The following ANKS1B variants were observed in gnomAD, a reference collection of about 807,000 sequenced individuals.
ANKS1B encodes the protein ankyrin repeat and sterile alpha motif domain-containing protein 1B.
A neutral mutation model predicts 148.3 loss-of-function variants in ANKS1B; 36 were observed. The ratio of observed to expected loss-of-function variants is 0.24; its 90% CI spans 0.19 to 0.32. The LOEUF (loss-of-function observed/expected upper bound fraction) is 0.32. Among genes scored for constraint, ANKS1B ranks in the 10% least tolerant of loss-of-function variants. The pLI is 1.00. For missense variants in ANKS1B, 1,157 were observed against 1,542.6 expected, an observed-to-expected ratio of 0.75 and a Z score of 4.19; for synonymous variants, 542 against 560.8, an observed-to-expected ratio of 0.97 and a Z score of 0.47.
At chr12:98,964,496 C>G (rs56935245) in intron 17 of ANKS1B, among the ~76,000 whole-genome samples, 49,007 of 152,072 alleles carry the variant, frequency 0.32, 8,427 homozygotes, top group Middle Eastern at 0.41. Context: ...TGTCTTATCT[C>G]TGTACTCCCA....
At chr12:99,655,679 AAC>A (rs1159283605) in intron 8 of ANKS1B, among the ~76,000 whole-genome samples, 1 of 152,184 alleles carries the variant, frequency 6.6e-6, no homozygotes, top group African/African-American at 2.4e-5. Flanking sequence ...TAACAGGAGT[AAC>A]AGTTTTAAAA....
intron 8 of ANKS1B, among the ~76,000 whole-genome samples, chr12:99,719,946 G>A (rs562222766): frequency 3.4e-4 from 51 of 152,080 alleles, no homozygotes; most frequent in African/African-American, 1.1e-3. Flanking sequence ...CTACTCCCCC[G>A]CTGAAACTTC....
At chr12:99,901,878 T>G (rs1603448238) in intron 1 of ANKS1B, among the ~76,000 whole-genome samples, 1 of 152,244 alleles carries the variant, frequency 6.6e-6, no homozygotes, top group African/African-American at 2.4e-5. Flanking sequence ...ATCCATTTAT[T>G]TAACTGCTCT....
chr12:99,347,652 A>G (rs1466185336), intron 12 of ANKS1B, among the ~76,000 whole-genome samples: 2 of 152,052 alleles, frequency 1.3e-5, no homozygotes, highest in Admixed American at 6.6e-5. Flanking sequence ...GATAAAAAAT[A>G]CTGTCAGTAA....
chr12:99,479,121 T>C (rs988300065), intron 10 of ANKS1B, among the ~76,000 whole-genome samples: 4 of 152,088 alleles, frequency 2.6e-5, no homozygotes, highest in African/African-American at 9.6e-5. Flanking sequence ...ACACAATCTA[T>C]ATTTAGACTT....
chr12:99,618,913 G>A (rs1604173), intron 9 of ANKS1B, among the ~76,000 whole-genome samples: 33,379 of 152,008 alleles, frequency 0.22, 3,926 homozygotes, highest in Non-Finnish European at 0.27. Context: ...TCCATAACCA[G>A]AGCTGTGAAA....
At chr12:99,491,434 T>C (rs530554042) in intron 10 of ANKS1B, among the ~76,000 whole-genome samples, 66 of 152,304 alleles carry the variant, frequency 4.3e-4, no homozygotes, top group African/African-American at 1.3e-3. Flanking sequence ...AGATTTGTTA[T>C]ATAGGTAAAC....
At chr12:99,327,356 T>A (rs1287092261) in intron 12 of ANKS1B, among the ~76,000 whole-genome samples, 1 of 112,176 alleles carries the variant, frequency 8.9e-6, no homozygotes. Flanking sequence ...AATTACATAT[T>A]ATATATAATT....
At chr12:99,973,908 T>C (rs1177758165) in intron 1 of ANKS1B, among the ~76,000 whole-genome samples, 1 of 152,144 alleles carries the variant, frequency 6.6e-6, no homozygotes, top group Non-Finnish European at 1.5e-5. Context: ...ATTTATAACA[T>C]AACATAAATA....
chr12:99,984,363 GAGAGCT>G lies in ANKS1B; in HGVS notation c.-132_-127del. 2 of 618,132 alleles carry G rather than the reference GAGAGCT, an allele frequency of 3.2e-6. No homozygotes were observed. Among genetic ancestry groups the G allele is most frequent in the African/African-American group, 1.9e-5 (1 of 52,318 alleles). The allele number at this position is 618,132 out of a possible 1,614,324, so 38.3% of individuals were successfully genotyped here. A position where few individuals can be genotyped will look rare whatever the true frequency, so the allele number is the denominator to read the frequency against. On this transcript the variant is annotated 5_prime_UTR_variant, in exon 1 of 27. Coordinates refer to ENST00000683438, the MANE Select transcript of ANKS1B (RefSeq NM_001352186.2). ...AAAATAATGCAAGAGCTTCAGCACG[GAGAGCT>G]CCCTGCAGCCCCAGGCAGGGAGCAC...
At chr12:99,237,153 C>G (rs1244781964) in intron 14 of ANKS1B, among the ~76,000 whole-genome samples, 1 of 152,116 alleles carries the variant, frequency 6.6e-6, no homozygotes, top group Non-Finnish European at 1.5e-5. Flanking sequence ...TCTTTCATAA[C>G]TTTTCAAATA....
At chr12:99,301,177 C>G (rs922802194) in intron 12 of ANKS1B, among the ~76,000 whole-genome samples, 1 of 152,168 alleles carries the variant, frequency 6.6e-6, no homozygotes, top group Non-Finnish European at 1.5e-5. Flanking sequence ...TTCATTCTAT[C>G]TGGGCTCTCA....
chr12:99,077,235 C>A (rs1250500132), intron 16 of ANKS1B, among the ~76,000 whole-genome samples: 2 of 152,134 alleles, frequency 1.3e-5, no homozygotes, highest in Non-Finnish European at 2.9e-5. Context: ...GACCTCCATG[C>A]TAACAGTGCA....
intron 1 of ANKS1B, among the ~76,000 whole-genome samples, chr12:99,947,278 A>G (rs1312354373): frequency 6.6e-6 from 1 of 151,814 alleles, no homozygotes; most frequent in African/African-American, 2.4e-5. Context: ...AACAGAAAAG[A>G]AAATTTCAGG....
At position 99,806,446 on chromosome 12, in the gene ANKS1B, G is replaced by T. The variant is rs372243996; in HGVS notation, c.627C>A (p.Val209=). Residue 209 remains valine (V), a synonymous_variant, in exon 4 of 27, where the codon GTC becomes GTA. Transcript: ENST00000683438. ...TTCCTGCCTCCAGCAGCACCTGCAC[G>T]ACTGCTTTGTGGCCATTGCGCGCAG... ...HLAARNGHKA[V]VQVLLEAGMD... is the part of the protein sequence containing the mutation. 6.2e-7 allele frequency: 1 copy of T among 1,613,920 alleles called. No individual in the cohort carries two copies. The highest frequency in any genetic ancestry group is 1.1e-5 in the South Asian group (1 of 91,064).
At chr12:99,724,578 C>T (rs1340163611) in intron 8 of ANKS1B, among the ~76,000 whole-genome samples, 2 of 152,140 alleles carry the variant, frequency 1.3e-5, no homozygotes, top group Non-Finnish European at 2.9e-5. Flanking sequence ...CTGCAAAACA[C>T]ACTTCAGGAT....
intron 17 of ANKS1B, among the ~76,000 whole-genome samples, chr12:99,050,697 T>TA: frequency 6.9e-6 from 1 of 144,902 alleles, no homozygotes; most frequent in Admixed American, 6.9e-5. Flanking sequence ...TTTCTTTTTT[T>TA]TTTTTTTTTT....
At chr12:99,031,430 G>T (rs189194510) in intron 17 of ANKS1B, among the ~76,000 whole-genome samples, 2 of 152,172 alleles carry the variant, frequency 1.3e-5, no homozygotes, top group East Asian at 3.9e-4. Flanking sequence ...CCTCTCTCTT[G>T]CTTGTTTTCT....
At chr12:99,224,548 T>C (rs985798926) in intron 14 of ANKS1B, among the ~76,000 whole-genome samples, 2 of 152,170 alleles carry the variant, frequency 1.3e-5, no homozygotes, top group Admixed American at 6.5e-5. Flanking sequence ...AAGATGCCTA[T>C]GCTTCTGCTT....
Sources: allele counts gnomAD v4.1 joint callset (sites outside exome capture counted in the v4.1 genomes callset), GRCh38; gene constraint gnomAD v4.1.1; transcripts MANE v1.5; gene names NCBI Gene and HGNC (gene_info 2026-07-23, HGNC 2026-07-21).